The following ANXA4 variants were observed in gnomAD, a reference collection of about 807,000 sequenced individuals.
ANXA4 encodes the protein 35-beta calcimedin.
ANXA4 carries 39 observed loss-of-function variants against 49.8 expected under a neutral mutation model. The ratio of observed to expected loss-of-function variants is 0.78; its 90% CI spans 0.61 to 1.02. ANXA4 has a LOEUF of 1.02. Ranked by LOEUF, ANXA4 falls within the 50% of genes least tolerant of loss-of-function variation. ANXA4 has a pLI of 0.00. For synonymous variants in ANXA4, 134 were observed against 152.5 expected, an observed-to-expected ratio of 0.88 and a Z score of 0.89; for missense variants, 360 against 410.1, an observed-to-expected ratio of 0.88 and a Z score of 1.05.
At chr2:69,757,461 G>C (rs1319746486) in intron 1 of ANXA4, among the ~76,000 whole-genome samples, 1 of 140,494 alleles carries the variant, frequency 7.1e-6, no homozygotes, top group African/African-American at 2.7e-5. Flanking sequence ...TTTTAGTAGA[G>C]ACAGGGTTTC....
chr2:69,761,527 G>T (rs542167700), intron 1 of ANXA4, among the ~76,000 whole-genome samples: 1 of 131,294 alleles, frequency 7.6e-6, no homozygotes, highest in South Asian at 2.3e-4. Context: ...GTTAATTCAC[G>T]AACTCTCTTG....
intron 3 of ANXA4, among the ~76,000 whole-genome samples, chr2:69,736,548 C>A (rs1233168056): frequency 6.6e-6 from 1 of 152,124 alleles, no homozygotes; most frequent in African/African-American, 2.4e-5. Context: ...AACTAATTAC[C>A]CTTCCCCATC....
At chr2:69,667,497 C>T (rs867315947) in intron 2 of ANXA4, among the ~76,000 whole-genome samples, 2 of 152,046 alleles carry the variant, frequency 1.3e-5, no homozygotes, top group Middle Eastern at 3.4e-3. Context: ...ATAAAAGTCC[C>T]ATAAAAGTGT....
At chr2:69,804,401 C>A in intron 3 of ANXA4, 132 bp from the exon 4 acceptor site, 1 of 726,752 alleles carries the variant, frequency 1.4e-6, no homozygotes, top group Non-Finnish European at 2.3e-6. Context: ...GTAGACAAAC[C>A]CTCTGAATAA....
intron 2 of ANXA4, among the ~76,000 whole-genome samples, chr2:69,668,738 A>G (rs1182814946): frequency 6.6e-6 from 1 of 152,138 alleles, no homozygotes; most frequent in African/African-American, 2.4e-5. Context: ...TACGCTGTGT[A>G]TAACTCCTGT....
intron 2 of ANXA4, among the ~76,000 whole-genome samples, chr2:69,672,769 A>G (rs1157464318): frequency 6.6e-6 from 1 of 152,160 alleles, no homozygotes; most frequent in African/African-American, 2.4e-5. Context: ...AAACAGTTTC[A>G]ACAGTGTTAA....
intron 2 of ANXA4, among the ~76,000 whole-genome samples, chr2:69,699,135 G>C (rs1236066251): frequency 6.6e-6 from 1 of 152,170 alleles, no homozygotes; most frequent in Non-Finnish European, 1.5e-5. Flanking sequence ...CAGTGGGAGT[G>C]TGTGGGGTGG....
intron 1 of ANXA4, among the ~76,000 whole-genome samples, chr2:69,779,989 G>C (rs1352559152): frequency 6.6e-6 from 1 of 152,146 alleles, no homozygotes; most frequent in African/African-American, 2.4e-5. Context: ...GAAACTGGAA[G>C]GTAAAAAGCA....
chr2:69,770,075 T>A (rs571883183), intron 1 of ANXA4, among the ~76,000 whole-genome samples: 8 of 152,354 alleles, frequency 5.3e-5, no homozygotes, highest in African/African-American at 1.9e-4. Flanking sequence ...AGTTACTAGC[T>A]GGGTGCTAGG....
At chr2:69,709,803 G>A (rs2105404577) in intron 2 of ANXA4, among the ~76,000 whole-genome samples, 1 of 152,188 alleles carries the variant, frequency 6.6e-6, no homozygotes, top group African/African-American at 2.4e-5. Flanking sequence ...AGCCAGGTGT[G>A]CTTGTAAGGG....
rs553713782 is a variant in ANXA4 at position 69,759,151 on chromosome 2, T to C, written c.-47+16976T>C. On this transcript the variant is annotated intron_variant, in intron 1 of 12. Coordinates refer to ENST00000394295, the MANE Select transcript of ANXA4 (RefSeq NM_001153.5). ...TCTCAAAAAAAAAAAAAAAAAAAGA[T>C]TATAATTCTGAGATAGAAAATCTGA... Among the ~76,000 whole-genome samples the C allele has an allele frequency of 1.7e-3, 250 of 149,834 alleles. 1 individual carries two copies. Among genetic ancestry groups the C allele is most frequent in the Middle Eastern group, 6.9e-3 (2 of 290 alleles).
chr2:69,767,679 G>C (rs991461163), intron 1 of ANXA4, among the ~76,000 whole-genome samples: 8 of 152,200 alleles, frequency 5.3e-5, no homozygotes, highest in Non-Finnish European at 1.2e-4. Context: ...AAACATGTTT[G>C]ACCGGGGCCA....
chr2:69,763,927 C>G (rs1321756834), intron 1 of ANXA4, among the ~76,000 whole-genome samples: 1 of 152,182 alleles, frequency 6.6e-6, no homozygotes, highest in African/African-American at 2.4e-5. Context: ...TCCCAAAGTG[C>G]TGGGATTACA....
intron 2 of ANXA4, among the ~76,000 whole-genome samples, chr2:69,715,971 C>T (rs1678868518): frequency 1.3e-5 from 2 of 152,192 alleles, no homozygotes; most frequent in Non-Finnish European, 2.9e-5. Flanking sequence ...AAGTGCTGGG[C>T]ACACGTCACC....
intron 1 of ANXA4, among the ~76,000 whole-genome samples, chr2:69,746,201 G>A (rs1199055275): frequency 2.0e-5 from 3 of 151,938 alleles, no homozygotes; most frequent in African/African-American, 4.8e-5. Flanking sequence ...TAGTGGAGAC[G>A]GGGTTTCACC....
intron 1 of ANXA4, among the ~76,000 whole-genome samples, chr2:69,646,077 G>A (rs1197772724): frequency 1.3e-5 from 2 of 152,050 alleles, no homozygotes; most frequent in Admixed American, 6.6e-5. Flanking sequence ...AGAAACCCAC[G>A]CACAAGCAGC....
chr2:69,801,744 G>A (rs2103793363), intron 3 of ANXA4, among the ~76,000 whole-genome samples: 1 of 152,250 alleles, frequency 6.6e-6, no homozygotes, highest in South Asian at 2.1e-4. Flanking sequence ...TCTATCTCCT[G>A]TATCAGCAGG....
intron 2 of ANXA4, among the ~76,000 whole-genome samples, chr2:69,718,892 A>T (rs1427623640): frequency 6.6e-6 from 1 of 151,798 alleles, no homozygotes; most frequent in Non-Finnish European, 1.5e-5. Flanking sequence ...ATACACACAC[A>T]TGCATACACA....
At chr2:69,811,651 T>C (rs1314989972) in intron 7 of ANXA4, among the ~76,000 whole-genome samples, 1 of 152,182 alleles carries the variant, frequency 6.6e-6, no homozygotes, top group Non-Finnish European at 1.5e-5. Flanking sequence ...ATTACAGATA[T>C]TCTACTATAC....
Sources: gnomAD v4.1 joint callset for allele counts (sites outside exome capture counted in the v4.1 genomes callset) on GRCh38, gnomAD v4.1.1 for gene constraint, MANE v1.5 for transcripts, NCBI Gene and HGNC (gene_info 2026-07-23, HGNC 2026-07-21) for gene names.